ABI3BP: variants seen among roughly 807,000 people sequenced by gnomAD.
ABI3BP encodes ABI family member 3 binding protein.
A neutral mutation model predicts 268.6 loss-of-function variants in ABI3BP; 216 were observed. That is an observed-to-expected ratio of 0.80 (90% CI 0.72 to 0.90). The LOEUF (loss-of-function observed/expected upper bound fraction) is 0.90. ABI3BP is among the 40% of genes least tolerant of loss of function. The pLI is 0.00. For missense variants in ABI3BP, 2,090 were observed against 2,182.4 expected, an observed-to-expected ratio of 0.96 and a Z score of 0.84; for synonymous variants, 730 against 730.0, an observed-to-expected ratio of 1.00 and a Z score of 0.00.
At chr3:100,918,303 C>T (rs1040411002) in intron 2 of ABI3BP, among the ~76,000 whole-genome samples, 25 of 151,214 alleles carry the variant, frequency 1.7e-4, no homozygotes, top group Non-Finnish European at 3.5e-4. Flanking sequence ...CACCCATCCA[C>T]CCATCCACCC....
chr3:100,990,457 T>C (rs2092734882), intron 1 of ABI3BP, among the ~76,000 whole-genome samples: 1 of 151,826 alleles, frequency 6.6e-6, no homozygotes, highest in African/African-American at 2.4e-5. Flanking sequence ...TTTTAAAAAC[T>C]AAGCAAAAAT....
intron 14 of ABI3BP, among the ~76,000 whole-genome samples, chr3:100,853,743 T>C (rs868751681): frequency 6.6e-6 from 1 of 152,214 alleles, no homozygotes; most frequent in South Asian, 2.1e-4. Flanking sequence ...GTTATTCCCA[T>C]AAGGCATTCG....
chr3:100,936,522 T>A (rs2066214108), intron 1 of ABI3BP, among the ~76,000 whole-genome samples: 1 of 152,162 alleles, frequency 6.6e-6, no homozygotes, highest in Non-Finnish European at 1.5e-5. Flanking sequence ...CCTCTTTTTT[T>A]ATTGTTTTGA....
chr3:100,759,734 T>C (rs2095839402), intron 63 of ABI3BP, among the ~76,000 whole-genome samples: 1 of 152,230 alleles, frequency 6.6e-6, no homozygotes, highest in Admixed American at 6.5e-5. Context: ...TTTAGGTAGC[T>C]GTCCTTCTGC....
chr3:100,749,539 A>AT lies in ABI3BP; in HGVS notation c.*955dup, dbSNP rs560968115. On this transcript the variant is annotated 3_prime_UTR_variant, in exon 68 of 68. Transcript: ENST00000471714. ...AGAAATAAATGAGTTAGTTAGTTAG[A>AT]TTTTTATTACAGATTGAATTAAACA... 2 of 389,064 alleles carry AT rather than the reference A, an allele frequency of 5.1e-6. No individual in the cohort carries two copies. Among genetic ancestry groups the AT allele is most frequent in the East Asian group, 3.6e-5 (1 of 27,604 alleles). The allele number at this position is 389,064 out of a possible 1,614,324, so 24.1% of individuals were successfully genotyped here.
chr3:100,975,489 G>A (rs2085700568), intron 1 of ABI3BP, among the ~76,000 whole-genome samples: 2 of 152,074 alleles, frequency 1.3e-5, no homozygotes, highest in Non-Finnish European at 2.9e-5. Context: ...TTGGTCTCTA[G>A]TCACAGTTGT....
intron 6 of ABI3BP, among the ~76,000 whole-genome samples, chr3:100,877,118 T>C (rs966763523): frequency 6.6e-6 from 1 of 152,230 alleles, no homozygotes; most frequent in Non-Finnish European, 1.5e-5. Flanking sequence ...TAGTTCACTT[T>C]ACTTAGAAAC....
chr3:100,891,797 A>T (rs1433896703), intron 4 of ABI3BP, among the ~76,000 whole-genome samples: 1 of 152,234 alleles, frequency 6.6e-6, no homozygotes, highest in Non-Finnish European at 1.5e-5. Context: ...GTAAAATACA[A>T]TGCTGGGTTC....
chr3:100,949,595 G>T (rs1035777440), intron 1 of ABI3BP, among the ~76,000 whole-genome samples: 1 of 152,140 alleles, frequency 6.6e-6, no homozygotes, highest in East Asian at 1.9e-4. Context: ...GTGAAATTTG[G>T]TATTCGTTTT....
At chr3:100,847,467 C>A (rs2152996510) in intron 19 of ABI3BP, 135 bp downstream of exon 19, 2 of 767,214 alleles carry the variant, frequency 2.6e-6, no homozygotes, top group Non-Finnish European at 4.4e-6. Flanking sequence ...GGTGCACTCT[C>A]TGAGATGGGC....
chr3:100,811,200 C>T (rs1251799344), intron 48 of ABI3BP, 30 bp downstream of exon 48: 1 of 1,521,088 alleles, frequency 6.6e-7, no homozygotes, highest in East Asian at 2.5e-5. Flanking sequence ...AGACAGAGAG[C>T]ACCCAGGGTT....
At chr3:100,974,273 A>G (rs1429889473) in intron 1 of ABI3BP, among the ~76,000 whole-genome samples, 1 of 152,218 alleles carries the variant, frequency 6.6e-6, no homozygotes, top group African/African-American at 2.4e-5. Flanking sequence ...CAAGAGAAAT[A>G]AAAATGTGTG....
Position 100,818,549 on chromosome 3 carries a change from T to C in ABI3BP, c.3064A>G (p.Arg1022Gly), listed in dbSNP as rs1401452379. ...PSTDLEPGTL[R>G]TEAPKTMVVT... Reference sequence around the variant, plus strand: ...CCCATGGTTTTTGGAGCTTCAGTTCTGAGAGTACCAGGTTCAAGATCTGTA... The same window carrying C: ...CCCATGGTTTTTGGAGCTTCAGTTCCGAGAGTACCAGGTTCAAGATCTGTA... Residue 1022 changes from arginine to glycine, a missense_variant, in exon 41 of 68, where the codon AGA becomes GGA. Physicochemically the swap from Arg to Gly is moderately radical, Grantham distance 125. Coordinates refer to ENST00000471714, the MANE Select transcript of ABI3BP (RefSeq NM_001375547.2). 3 of 1,535,526 alleles carry C rather than the reference T, an allele frequency of 2.0e-6. No individual in the cohort carries two copies. The African/African-American group carries it at 4.1e-5, about 21-fold the overall frequency.
At chr3:100,755,935 A>C (rs1161062880) in intron 63 of ABI3BP, among the ~76,000 whole-genome samples, 1 of 152,230 alleles carries the variant, frequency 6.6e-6, no homozygotes, top group Admixed American at 6.5e-5. Context: ...TGAAAAATGG[A>C]TGACAGCTGT....
chr3:100,864,549 T>C, intron 11 of ABI3BP: 1 of 379,606 alleles, frequency 2.6e-6, no homozygotes, highest in Non-Finnish European at 4.7e-6. Context: ...AAAAGGCTGG[T>C]ATTCTGTCTG....
chr3:100,831,859 C>T (rs1334430586), intron 31 of ABI3BP, among the ~76,000 whole-genome samples: 1 of 152,174 alleles, frequency 6.6e-6, no homozygotes, highest in African/African-American at 2.4e-5. Flanking sequence ...TCGTTTCTAA[C>T]TGGTTATGCA....
Position 100,886,266 on chromosome 3 carries a change from G to A in ABI3BP, c.519C>T (p.Ile173=), listed in dbSNP as rs1350225366. ...KDKEKKWIFQ[I]CPATETIVEN... ...CCACAATTGTTTCAGTGGCTGGACA[G>A]ATTTGAAAAATCCACTTCTTTTCTT... The change falls in exon 5 of 68, where the codon ATC becomes ATT. Residue 173 remains isoleucine, a synonymous_variant. Coordinates refer to ENST00000471714, the MANE Select transcript of ABI3BP (RefSeq NM_001375547.2). 6.2e-7 allele frequency: 1 copy of A among 1,609,400 alleles called. No individual in the cohort carries two copies. The highest frequency in any genetic ancestry group is 8.5e-7 in the Non-Finnish European group (1 of 1,177,530).
chr3:100,869,330 G>GGTTTTTTTTTT (rs2099085420), intron 9 of ABI3BP, among the ~76,000 whole-genome samples: 1 of 49,754 alleles, frequency 2.0e-5, no homozygotes, highest in Non-Finnish European at 3.4e-5. Context: ...CTTCTTTTTG[G>GGTTTTTTTTTT]TTTTTTTTTT....
chr3:100,789,096 A>G (rs539387615), intron 56 of ABI3BP, among the ~76,000 whole-genome samples: 27 of 152,246 alleles, frequency 1.8e-4, no homozygotes, highest in Non-Finnish European at 3.2e-4. Context: ...TGCTGAAAAG[A>G]GACCCTCTTT....
Sources: gnomAD v4.1 joint callset for allele counts (sites outside exome capture counted in the v4.1 genomes callset) on GRCh38, gnomAD v4.1.1 for gene constraint, MANE v1.5 for transcripts, NCBI Gene and HGNC (gene_info 2026-07-23, HGNC 2026-07-21) for gene names.